The following MYH3 variants were observed in gnomAD, a reference collection of about 807,000 sequenced individuals.
The protein encoded by MYH3 is myosin-3.
A neutral mutation model predicts 238.0 loss-of-function variants in MYH3; 130 were observed. The ratio of observed to expected loss-of-function variants is 0.55; its 90% CI spans 0.47 to 0.63. The LOEUF (loss-of-function observed/expected upper bound fraction) is 0.63. MYH3 is among the 30% of genes least tolerant of loss of function. The pLI is 0.00. For synonymous variants in MYH3, 880 were observed against 924.1 expected (o/e 0.95, Z 0.86); for missense variants, 1,853 against 2,374.9 (o/e 0.78, Z 4.57).
chr17:10,648,734 G>T, intron 7 of MYH3, 85 bp from the exon 8 acceptor site: 2 of 1,209,954 alleles, frequency 1.7e-6, no homozygotes, highest in Admixed American at 1.7e-5. Context: ...GCAGTGCAAT[G>T]GCACGATCTT....
Position 10,642,888 on chromosome 17 carries a change from T to C in MYH3, c.1519A>G (p.Ile507Val), listed in dbSNP as rs751522595. 3.1e-6 allele frequency: 5 copies of C among 1,614,212 alleles called. No homozygotes were observed. The highest frequency in any genetic ancestry group is 4.2e-6 in the Non-Finnish European group (5 of 1,180,030). Residue 507 changes from isoleucine (I) to valine (V), a missense_variant, in exon 15 of 41, where the codon ATC becomes GTC. Ile to Val is a conservative substitution (Grantham distance 29, BLOSUM62 3). This residue lies in a region of MYH3 where 678 missense variants were observed against 1,058.9 expected (regional missense o/e 0.64). Transcript: ENST00000583535. This position sits in a 1 kb window ranked among gnomAD's most constrained non-coding sequence, Gnocchi z 5.4. ...CCGAAGTCAATGAACGTCCACTCGA[T>C]GCCTTCCTTCTTGTACTCCTCCTGC... ...LEQEEYKKEG[I>V]EWTFIDFGMD...
chr17:10,633,895 C>G (rs1160972423), intron 32 of MYH3, 122 bp downstream of exon 32: 1 of 1,470,384 alleles, frequency 6.8e-7, no homozygotes, highest in Non-Finnish European at 9.4e-7. Context: ...TGAACACTTT[C>G]TGCATGTGCA....
chr17:10,645,992 G>A lies in MYH3; in HGVS notation c.939C>T (p.Phe313=). The A allele has an allele frequency of 6.2e-7, 1 of 1,614,018 alleles. No homozygotes were observed. The highest frequency in any genetic ancestry group is 8.5e-7 in the Non-Finnish European group (1 of 1,179,996). The change falls in exon 11 of 41, where the codon TTC becomes TTT. Residue 313 remains phenylalanine (F), a synonymous_variant. Coordinates refer to ENST00000583535, the MANE Select transcript of MYH3 (RefSeq NM_002470.4). ...LITTNPYDYP[F]ISQGEILVAS... ...CCACCAGGATCTCCCCCTGGCTAATGAACGGGTAGTCGTAAGGGTTGGTCG... is the reference window on the plus strand; with the variant it reads ...CCACCAGGATCTCCCCCTGGCTAATAAACGGGTAGTCGTAAGGGTTGGTCG...
chr17:10,629,501 T>A (rs2074130001), intron 40 of MYH3, 96 bp downstream of exon 40: 2 of 1,518,256 alleles, frequency 1.3e-6, no homozygotes, highest in African/African-American at 2.7e-5. Context: ...AGCCTGAGAC[T>A]CCCCAGCTCT....
Position 10,644,705 on chromosome 17 carries a change from G to C in MYH3, c.1142-3C>G, listed in dbSNP as rs886052585. On this transcript the variant is annotated splice_region_variant and splice_polypyrimidine_tract_variant and intron_variant, in intron 12 of 40. Coordinates refer to ENST00000583535, the MANE Select transcript of MYH3 (RefSeq NM_002470.4). ...CAGATAGGCTGTTTTGTCAGCCACT[G>C]GCAAGAAAACAAGGACAGTGCTTAG... 6.2e-7 allele frequency: 1 copy of C among 1,603,564 alleles called. No individual in the cohort carries two copies. The highest frequency in any genetic ancestry group is 8.5e-7 in the Non-Finnish European group (1 of 1,170,866).
intron 1 of MYH3, among the ~76,000 whole-genome samples, chr17:10,656,518 CAA>C (rs979292479): frequency 7.5e-6 from 1 of 133,312 alleles, no homozygotes; most frequent in Non-Finnish European, 1.5e-5. Context: ...GCCTGGGCGA[CAA>C]GAGCAAAATT....
chr17:10,676,110 T>C, the MYH3 span: 1 of 152,164 alleles, frequency 6.6e-6, no homozygotes, highest in South Asian at 2.1e-4. Context: ...TTCTTTTTTG[T>C]TTTTTGAGAC....
At chr17:10,657,681 C>T (rs778401723), upstream of MYH3, among the ~76,000 whole-genome samples, 8 of 152,132 alleles carry the variant, frequency 5.3e-5, no homozygotes, top group Admixed American at 1.3e-4. Flanking sequence ...GGACTGAAGT[C>T]GGGTGGCTTA....
intron 14 of MYH3, 22 bp from the exon 15 acceptor site, chr17:10,643,018 C>A: frequency 1.2e-6 from 2 of 1,614,148 alleles, no homozygotes; most frequent in East Asian, 4.5e-5. Context: ...ATACAACATT[C>A]ATGTGAAAAG....
At chr17:10,632,158 G>A in intron 34 of MYH3, 142 bp from the exon 35 acceptor site, 1 of 1,169,554 alleles carries the variant, frequency 8.6e-7, no homozygotes, top group Non-Finnish European at 1.2e-6. Context: ...GTCTTGTTCT[G>A]TCACCCAAGC....
At chr17:10,633,460 G>T in intron 33 of MYH3, 131 bp downstream of exon 33, 1 of 1,123,400 alleles carries the variant, frequency 8.9e-7, no homozygotes, top group Non-Finnish European at 1.3e-6. Context: ...GCTGTGTGAC[G>T]GGAAAGCAGC....
chr17:10,639,841 A>G (rs1387254133), intron 22 of MYH3, 39 bp from the exon 23 acceptor site: 1 of 1,612,444 alleles, frequency 6.2e-7, no homozygotes, highest in Non-Finnish European at 8.5e-7. Context: ...TGAATGATAT[A>G]AGGTTTGCGA....
chr17:10,649,543 G>T, intron 7 of MYH3, 34 bp downstream of exon 7: 1 of 1,544,526 alleles, frequency 6.5e-7, no homozygotes, highest in Admixed American at 1.7e-5. Context: ...AGTTAAAAGT[G>T]GAAGCAAAGC....
chr17:10,630,513 C>G, intron 36 of MYH3, 55 bp from the exon 37 acceptor site: 1 of 1,611,390 alleles, frequency 6.2e-7, no homozygotes. Context: ...TGCCTTGGAA[C>G]TGTCAAAACC....
rs759121005 is a variant in MYH3 at position 10,654,989 on chromosome 17, C to T, written c.76G>A (p.Glu26Lys). 83 of 1,614,066 alleles carry T rather than the reference C, an allele frequency of 5.1e-5. No individual in the cohort carries two copies. The highest frequency in any genetic ancestry group is 9.3e-5 in the African/African-American group (7 of 74,928). Residue 26 changes from glutamate to lysine, a missense_variant, in exon 3 of 41, where the codon GAG becomes AAG. Coordinates refer to ENST00000583535, the MANE Select transcript of MYH3 (RefSeq NM_002470.4). This position sits in a 1 kb window ranked among gnomAD's most constrained non-coding sequence, Gnocchi z 4.5. ...FLRKSEKERI[E>K]AQNQPFDAKT... is the part of the protein sequence containing the mutation. ...GCATCAAAGGGCTGGTTCTGAGCCT[C>T]GATCCTCTCCTTTTCTGACTTCCGG...
In MYH3 at chr17:10,631,987, G is replaced by T; in HGVS notation, c.4986C>A (p.Leu1662=). 6.2e-7 allele frequency: 1 copy of T among 1,613,744 alleles called. No individual in the cohort carries two copies. Among genetic ancestry groups the T allele is most frequent in the East Asian group, 2.2e-5 (1 of 44,878 alleles). ...KDTQLHLDDA[L]RGQEDLKEQL... ...GCTCCTTCAGGTCCTCCTGGCCCCG[G>T]AGGGCATCATCCAGGTGGAGCTGCG... is the stretch of plus-strand genomic sequence containing the variant. The change falls in exon 35 of 41, where the codon CTC becomes CTA. Residue 1662 remains leucine, a synonymous_variant. Transcript: ENST00000583535.
chr17:10,642,635 T>G lies in MYH3; in HGVS notation c.1670A>C (p.His557Pro). ...TSFKNKLYDQHLGKSNNFQKP... is the reference protein window; with the variant it reads ...TSFKNKLYDQPLGKSNNFQKP... ...CTGGAAGTTGTTGGACTTTCCAAGA[T>G]GCTGGTCATACAGCTTGTTCTTGAA... The change falls in exon 16 of 41, where the codon CAT becomes CCT. Residue 557 changes from histidine (H) to proline (P), a missense_variant. By Grantham distance (77) the His-to-Pro change is moderately conservative. Coordinates refer to ENST00000583535, the MANE Select transcript of MYH3 (RefSeq NM_002470.4). The surrounding 1 kb of genome is among the most constrained non-coding windows in gnomAD (Gnocchi z 5.4). The G allele has an allele frequency of 6.2e-7, 1 of 1,614,264 alleles. No homozygotes were observed. Among genetic ancestry groups the G allele is most frequent in the Non-Finnish European group, 8.5e-7 (1 of 1,180,054 alleles).
chr17:10,631,169 A>G (rs566439008), intron 36 of MYH3, among the ~76,000 whole-genome samples: 28 of 152,204 alleles, frequency 1.8e-4, no homozygotes, highest in Non-Finnish European at 3.4e-4. Flanking sequence ...AGATTAAGGG[A>G]AGGCCTCTGG....
In MYH3 at chr17:10,638,174, T is replaced by C. The variant is rs371764244; in HGVS notation, c.3598A>G (p.Ser1200Gly). The change falls in exon 27 of 41, where the codon AGT becomes GGT. Residue 1200 changes from serine to glycine, a missense_variant. This residue lies in a region of MYH3 where 1,044 missense variants were observed against 1,192.6 expected (regional missense o/e 0.88). Transcript: ENST00000583535. ...ATCTGCTCCCCAAGCTCGGCCACAC[T>C]ATCCGCATGCTTCTTCCTCAGCGCG... ...VAALRKKHAD[S>G]VAELGEQIDN... 5 of 1,613,838 alleles carry C rather than the reference T, an allele frequency of 3.1e-6. No homozygotes were observed. In the African/African-American group the frequency reaches 5.3e-5, roughly 17 times the overall value.
Sources: allele counts gnomAD v4.1 joint callset (sites outside exome capture counted in the v4.1 genomes callset), GRCh38; gene constraint gnomAD v4.1.1; regional missense constraint gnomAD v4.1.1; non-coding constraint Gnocchi (gnomAD v3.1); transcripts MANE v1.5; gene names NCBI Gene and HGNC (gene_info 2026-07-23, HGNC 2026-07-21).